Variants in LRIF1 observed in about 807,000 individuals in gnomAD.
LRIF1 encodes the protein ligand dependent nuclear receptor interacting factor 1, also known as ligand-dependent nuclear receptor-interacting factor 1.
A neutral mutation model predicts 52.7 loss-of-function variants in LRIF1; 32 were observed. The observed-to-expected ratio is 0.61, with a 90% confidence interval of 0.46 to 0.82. The LOEUF (loss-of-function observed/expected upper bound fraction) is 0.82, where lower values mean the gene tolerates loss of function less well. Ranked by LOEUF, LRIF1 falls within the 40% of genes least tolerant of loss-of-function variation. The pLI, the probability that LRIF1 is intolerant of heterozygous loss-of-function variation, is 0.00. For synonymous variants in LRIF1, 323 were observed against 317.4 expected (o/e 1.02, Z -0.19); for missense variants, 887 against 892.0 (o/e 0.99, Z 0.07).
chr1:110,889,339 C>T, the LRIF1 span, among the ~76,000 whole-genome samples: 48 of 151,726 alleles, frequency 3.2e-4, no homozygotes, highest in Admixed American at 1.6e-3. Flanking sequence ...GGTAGATCAC[C>T]AGGTCAGGAG....
At chr1:110,892,701 A>G in the LRIF1 span, 1 of 627,222 alleles carries the variant, frequency 1.6e-6, no homozygotes, top group South Asian at 2.0e-5. Flanking sequence ...ATTATGTATG[A>G]CTAGGGTCCC....
chr1:110,895,925 C>T, the LRIF1 span, among the ~76,000 whole-genome samples: 2 of 152,000 alleles, frequency 1.3e-5, no homozygotes, highest in Non-Finnish European at 2.9e-5. Flanking sequence ...TTTTAATACA[C>T]CTAAAATTTT....
chr1:110,912,708 A>T, the LRIF1 span, among the ~76,000 whole-genome samples: 1 of 152,250 alleles, frequency 6.6e-6, no homozygotes, highest in African/African-American at 2.4e-5. Context: ...AAAACATTCC[A>T]TGCTCATAGA....
At chr1:110,960,650 C>T (rs1043150880) in intron 1 of LRIF1, among the ~76,000 whole-genome samples, 5 of 152,308 alleles carry the variant, frequency 3.3e-5, no homozygotes, top group African/African-American at 1.2e-4. Flanking sequence ...TGACTGCTTT[C>T]TTGATGTGTT....
chr1:110,962,261 G>A (rs1016768034), intron 1 of LRIF1, among the ~76,000 whole-genome samples: 1 of 151,282 alleles, frequency 6.6e-6, no homozygotes, highest in Non-Finnish European at 1.5e-5. Flanking sequence ...TGTACACAGG[G>A]CACTCTCTGC....
chr1:110,950,792 T>C (rs1570940662), intron 2 of LRIF1, among the ~76,000 whole-genome samples: 1 of 151,964 alleles, frequency 6.6e-6, no homozygotes, highest in African/African-American at 2.4e-5. Flanking sequence ...CTGAAAGGTA[T>C]TGATTAGCCC....
At chr1:110,912,631 A>G in the LRIF1 span, among the ~76,000 whole-genome samples, 4 of 152,332 alleles carry the variant, frequency 2.6e-5, no homozygotes, top group South Asian at 2.1e-4. Flanking sequence ...ACGGAGGTGA[A>G]AGATTTCTAC....
chr1:110,896,741 T>C, the LRIF1 span: 1 of 1,610,526 alleles, frequency 6.2e-7, no homozygotes, highest in Non-Finnish European at 8.5e-7. Flanking sequence ...GAGGTAATTT[T>C]GTCGGCAATG....
intron 1 of LRIF1, chr1:110,963,388 C>G (rs1659047952): frequency 3.0e-6 from 1 of 335,602 alleles, no homozygotes; most frequent in African/African-American, 2.1e-5. Context: ...AAACTTGAGA[C>G]GCTGGGGTCC....
In LRIF1 at chr1:110,947,817, A is replaced by G; in HGVS notation, c.*142T>C. On this transcript the variant is annotated 3_prime_UTR_variant, in exon 4 of 4. Transcript: ENST00000369763. ...TCATATGTGAATCAACCTTTTCTGT[A>G]TTCCTTAAAGTTGTACAATCGACTG... 8.7e-7 allele frequency: 1 copy of G among 1,149,868 alleles called. No individual in the cohort carries two copies. The highest frequency in any genetic ancestry group is 1.2e-6 in the Non-Finnish European group (1 of 852,766). The allele number at this position is 1,149,868 out of a possible 1,614,324, so 71.2% of individuals were successfully genotyped here.
chr1:110,898,124 T>C, the LRIF1 span, among the ~76,000 whole-genome samples: 1 of 152,124 alleles, frequency 6.6e-6, no homozygotes, highest in African/African-American at 2.4e-5. Context: ...ACGCCTGTAA[T>C]CCCAGCACTT....
the LRIF1 span, among the ~76,000 whole-genome samples, chr1:110,884,219 T>C: frequency 1.2e-4 from 19 of 152,140 alleles, no homozygotes; most frequent in Non-Finnish European, 2.5e-4. Context: ...TTAAAGTTTT[T>C]CTCAATTCAG....
chr1:110,888,403 G>T, the LRIF1 span, among the ~76,000 whole-genome samples: 3 of 152,160 alleles, frequency 2.0e-5, no homozygotes, highest in African/African-American at 4.8e-5. Flanking sequence ...TATGCTCCAT[G>T]GTTTGGAAAC....
chr1:110,888,413 CTG>C, the LRIF1 span, among the ~76,000 whole-genome samples: 2 of 152,318 alleles, frequency 1.3e-5, no homozygotes, highest in East Asian at 3.9e-4. Flanking sequence ...GGTTTGGAAA[CTG>C]TCTGTGAATA....
At chr1:110,876,218 C>G in the LRIF1 span, among the ~76,000 whole-genome samples, 1 of 152,238 alleles carries the variant, frequency 6.6e-6, no homozygotes, top group Non-Finnish European at 1.5e-5. Flanking sequence ...ATGACTTGTC[C>G]AAAAATCATA....
chr1:110,894,038 T>C, the LRIF1 span, among the ~76,000 whole-genome samples: 9 of 152,186 alleles, frequency 5.9e-5, no homozygotes, highest in Non-Finnish European at 1.0e-4. Flanking sequence ...GATGTCAAAA[T>C]TGCTTAACTT....
At chr1:110,923,555 C>CA in the LRIF1 span, among the ~76,000 whole-genome samples, 24 of 151,868 alleles carry the variant, frequency 1.6e-4, no homozygotes, top group African/African-American at 5.8e-4. Context: ...AAATCAATAA[C>CA]AAAAAGAATC....
intron 1 of LRIF1, among the ~76,000 whole-genome samples, chr1:110,953,172 CCTCTA>C (rs1658555817): frequency 6.6e-6 from 1 of 152,140 alleles, no homozygotes; most frequent in Admixed American, 6.5e-5. Flanking sequence ...TTGTCCTCCT[CCTCTA>C]CTCTAACTGA....
chr1:110,897,246 CT>C, the LRIF1 span, among the ~76,000 whole-genome samples: 1 of 152,180 alleles, frequency 6.6e-6, no homozygotes, highest in African/African-American at 2.4e-5. Flanking sequence ...AGAATAGGCT[CT>C]GAGAAGAAGC....
Sources: gnomAD v4.1 joint callset for allele counts (sites outside exome capture counted in the v4.1 genomes callset) on GRCh38, gnomAD v4.1.1 for gene constraint, MANE v1.5 for transcripts, NCBI Gene and HGNC (gene_info 2026-07-23, HGNC 2026-07-21) for gene names.